Variants in TCF7L1 observed in about 807,000 individuals in gnomAD.
The protein encoded by TCF7L1 is transcription factor 7-like 1.
In TCF7L1, 18 loss-of-function variants were observed where a neutral mutation model predicts 63.7. The observed-to-expected ratio is 0.28, with a 90% CI of 0.20 to 0.42. TCF7L1 has a LOEUF of 0.42. Ranked by LOEUF, TCF7L1 falls within the 10% of genes least tolerant of loss-of-function variation. The probability of loss-of-function intolerance (pLI) is 1.00; values close to 1 mark genes in which losing one functional copy is unlikely to be tolerated. For missense variants in TCF7L1, 654 were observed against 779.3 expected (o/e 0.84, Z 1.91); for synonymous variants, 355 against 340.9 (o/e 1.04, Z -0.46).
intron 3 of TCF7L1, among the ~76,000 whole-genome samples, chr2:85,244,735 C>G (rs969752184): frequency 6.6e-6 from 1 of 152,190 alleles, no homozygotes; most frequent in Middle Eastern, 3.4e-3. Context: ...GAGACAGAGA[C>G]TTTAGTCATC....
At chr2:85,190,210 T>G (rs1346703982) in intron 3 of TCF7L1, among the ~76,000 whole-genome samples, 1 of 152,246 alleles carries the variant, frequency 6.6e-6, no homozygotes, top group East Asian at 1.9e-4. Context: ...TGTACTTTAC[T>G]GTCCTTTGAA....
At chr2:85,260,369 G>T (rs776513283) in intron 3 of TCF7L1, among the ~76,000 whole-genome samples, 12 of 151,806 alleles carry the variant, frequency 7.9e-5, no homozygotes, top group Admixed American at 1.3e-4. Context: ...GGACGCAGTG[G>T]CTCATGTCTG....
intron 3 of TCF7L1, among the ~76,000 whole-genome samples, chr2:85,281,830 AGTCCCTGCCATCTTG>A (rs1558655256): frequency 3.9e-5 from 6 of 152,300 alleles, no homozygotes; most frequent in South Asian, 2.1e-4. Flanking sequence ...AAGCCCAGTC[AGTCCCTGCCATCTTG>A]GTCAAGACTT....
rs140544946 is a variant in TCF7L1 at position 85,309,376 on chromosome 2, T to G, written c.1681T>G (p.Ser561Ala). The change falls in exon 12 of 12, where the codon TCC becomes GCC. Residue 561 changes from serine to alanine, a missense_variant. By Grantham distance (99) the Ser-to-Ala change is moderately conservative. Around this residue, in one of 3 missense-constraint regions of TCF7L1, gnomAD observed 184 missense variants for 204.0 expected, o/e 0.90. Transcript: ENST00000282111. ...MPTALLASPP[S>A]FPATLHAHQA... ...CACAGCTCTGCTGGCCTCTCCCCCG[T>G]CCTTCCCCGCCACGCTCCATGCCCA... 3.7e-6 allele frequency: 6 copies of G among 1,603,104 alleles called. 1 individual carries two copies. The East Asian group carries it at 1.3e-4, about 36-fold the overall frequency.
intron 3 of TCF7L1, among the ~76,000 whole-genome samples, chr2:85,136,818 G>T (rs1372705578): frequency 6.6e-6 from 1 of 152,156 alleles, no homozygotes; most frequent in Non-Finnish European, 1.5e-5. Flanking sequence ...TTAAGCACTT[G>T]GTTGTCTGGA....
chr2:85,280,953 G>C lies in TCF7L1; in HGVS notation c.442-2542G>C, dbSNP rs181344020. Reference sequence around the variant, plus strand: ...TGGGATTTGAAGTCCAGAGACCTAGGCTCCAGCTCCAGCTGTCTTGTATGA... The same window carrying C: ...TGGGATTTGAAGTCCAGAGACCTAGCCTCCAGCTCCAGCTGTCTTGTATGA... On this transcript the variant is annotated intron_variant, in intron 3 of 11. Transcript: ENST00000282111. 2.0e-5 allele frequency among the ~76,000 whole-genome samples: 3 copies of C among 152,014 alleles called. No homozygotes were observed. The East Asian group carries it at 5.8e-4, about 29-fold the overall frequency.
chr2:85,248,753 C>A (rs1680525055), intron 3 of TCF7L1, among the ~76,000 whole-genome samples: 1 of 152,156 alleles, frequency 6.6e-6, no homozygotes, highest in Admixed American at 6.5e-5. Context: ...TGGTGGATAA[C>A]CTTGCCAATA....
chr2:85,199,147 G>A (rs1679221076), intron 3 of TCF7L1, among the ~76,000 whole-genome samples: 1 of 152,144 alleles, frequency 6.6e-6, no homozygotes, highest in African/African-American at 2.4e-5. Context: ...TGTCCCTAAT[G>A]TCCATGATGG....
chr2:85,256,315 T>C (rs749625823), intron 3 of TCF7L1, among the ~76,000 whole-genome samples: 2 of 151,732 alleles, frequency 1.3e-5, no homozygotes, highest in African/African-American at 2.4e-5. Flanking sequence ...CCGCTTTCAG[T>C]TGTAAGGATG....
At chr2:85,232,836 C>T (rs916881738) in intron 3 of TCF7L1, 6 of 152,182 alleles carry the variant, frequency 3.9e-5, no homozygotes, top group African/African-American at 1.4e-4. Flanking sequence ...ATAACAGCAA[C>T]AGGAATTAAA....
intron 3 of TCF7L1, among the ~76,000 whole-genome samples, chr2:85,208,948 A>T (rs1679478507): frequency 6.6e-6 from 1 of 152,182 alleles, no homozygotes; most frequent in Non-Finnish European, 1.5e-5. Flanking sequence ...TGATTTCTTT[A>T]CATTTTTCTC....
rs1391833069 is a variant in TCF7L1 at position 85,306,542 on chromosome 2, T to C, written c.1240T>C (p.Ser414Pro). Residue 414 changes from serine to proline, a missense_variant, in exon 10 of 12, where the codon TCA (serine) becomes CCA (proline). Coordinates refer to ENST00000282111, the MANE Select transcript of TCF7L1 (RefSeq NM_031283.3). The surrounding 1 kb of genome is among the most constrained non-coding windows in gnomAD (Gnocchi z 4.3). ...TCACTCGCAGCTCTACCCAACCTGG[T>C]CAGCCCGGGACAACTATGTAAGTGC... is the stretch of plus-strand genomic sequence containing the variant. ...QLHSQLYPTW[S>P]ARDNYGKKKK... is the part of the protein sequence containing the mutation. The C allele has an allele frequency of 6.2e-7, 1 of 1,614,022 alleles. No individual in the cohort carries two copies. Among genetic ancestry groups the C allele is most frequent in the Non-Finnish European group, 8.5e-7 (1 of 1,180,058 alleles).
intron 3 of TCF7L1, among the ~76,000 whole-genome samples, chr2:85,150,224 A>G (rs1000860691): frequency 1.4e-5 from 2 of 147,214 alleles, no homozygotes; most frequent in Admixed American, 6.8e-5. Context: ...CCTGTCTCTC[A>G]TGTTCTTGAC....
At chr2:85,301,458 A>G (rs1681971446) in intron 4 of TCF7L1, among the ~76,000 whole-genome samples, 1 of 152,232 alleles carries the variant, frequency 6.6e-6, no homozygotes. Context: ...AGCCTTATGG[A>G]TAAGTCAGAT....
chr2:85,149,354 C>A (rs1402979923), intron 3 of TCF7L1, among the ~76,000 whole-genome samples: 1 of 147,816 alleles, frequency 6.8e-6, no homozygotes, highest in Non-Finnish European at 1.5e-5. Flanking sequence ...TATACACACA[C>A]ACACTAACTT....
At chr2:85,191,608 C>T (rs749502571) in intron 3 of TCF7L1, among the ~76,000 whole-genome samples, 7 of 152,126 alleles carry the variant, frequency 4.6e-5, no homozygotes, top group Non-Finnish European at 1.0e-4. Context: ...GGGCAGATCA[C>T]GAGGTCAGGA....
At chr2:85,285,159 G>A (rs1024979263) in intron 4 of TCF7L1, among the ~76,000 whole-genome samples, 3 of 152,120 alleles carry the variant, frequency 2.0e-5, no homozygotes, top group Admixed American at 6.5e-5. Flanking sequence ...TGTGAACCCC[G>A]GAGGCGGAGC....
At chr2:85,271,845 G>A (rs11686782) in intron 3 of TCF7L1, among the ~76,000 whole-genome samples, 65,891 of 152,042 alleles carry the variant, frequency 0.43, 15,208 homozygotes, top group Non-Finnish European at 0.53. Context: ...ACAGTTTTAT[G>A]TTTTAGAAAG....
chr2:85,168,823 A>G (rs377121462), intron 3 of TCF7L1, among the ~76,000 whole-genome samples: 83 of 152,144 alleles, frequency 5.5e-4, no homozygotes, highest in African/African-American at 2.0e-3. Context: ...GTTTCACCAT[A>G]TTGGCCAGGC....
Sources: allele counts gnomAD v4.1 joint callset (sites outside exome capture counted in the v4.1 genomes callset), GRCh38; gene constraint gnomAD v4.1.1; regional missense constraint gnomAD v4.1.1; non-coding constraint Gnocchi (gnomAD v3.1); transcripts MANE v1.5; gene names NCBI Gene and HGNC (gene_info 2026-07-23, HGNC 2026-07-21).